MARCHF5: variants seen among roughly 807,000 people sequenced by gnomAD.
The protein encoded by MARCHF5 is membrane associated ring-CH-type finger 5, also known as E3 ubiquitin-protein ligase MARCHF5.
Under a neutral mutation model 36.5 loss-of-function variants are expected in MARCHF5, and 5 were observed. The observed-to-expected ratio is 0.14, with a 90% CI of 0.07 to 0.29. The LOEUF is 0.29. Among genes scored for constraint, MARCHF5 ranks in the 10% least tolerant of loss-of-function variants. The probability of loss-of-function intolerance (pLI) is 1.00; values close to 1 mark genes in which losing one functional copy is unlikely to be tolerated. For synonymous variants in MARCHF5, 103 were observed against 109.9 expected (o/e 0.94, Z 0.39); for missense variants, 179 against 336.3 (o/e 0.53, Z 3.66).
intron 1 of MARCHF5, among the ~76,000 whole-genome samples, chr10:92,292,014 AC>A (rs1196239688): frequency 6.9e-6 from 1 of 144,306 alleles, no homozygotes; most frequent in African/African-American, 2.6e-5. Flanking sequence ...CTGAACCCGC[AC>A]CCCCCGTCCC....
At chr10:92,292,385 A>C (rs1842889047) in intron 1 of MARCHF5, among the ~76,000 whole-genome samples, 1 of 152,168 alleles carries the variant, frequency 6.6e-6, no homozygotes, top group African/African-American at 2.4e-5. Flanking sequence ...CTAATTCATG[A>C]TGTTTGTGGT....
At chr10:92,349,586 A>AAT in intron 4 of MARCHF5, 54 bp downstream of exon 4, 1 of 1,596,464 alleles carries the variant, frequency 6.3e-7, no homozygotes, top group Non-Finnish European at 8.5e-7. Flanking sequence ...CTTGAAGAAC[A>AAT]ATAACATGCT....
intron 3 of MARCHF5, among the ~76,000 whole-genome samples, chr10:92,341,540 C>T (rs1843578233): frequency 6.6e-6 from 1 of 152,102 alleles, no homozygotes; most frequent in Admixed American, 6.6e-5. Context: ...AGTCCCAAGC[C>T]GTTGACTCTT....
At chr10:92,331,902 T>C (rs1463178523) in intron 2 of MARCHF5, among the ~76,000 whole-genome samples, 1 of 146,416 alleles carries the variant, frequency 6.8e-6, no homozygotes, top group African/African-American at 2.5e-5. Context: ...TATATAATCA[T>C]ATATATGTAT....
chr10:92,312,882 A>G (rs1000892123), intron 2 of MARCHF5, among the ~76,000 whole-genome samples: 2 of 152,188 alleles, frequency 1.3e-5, no homozygotes, highest in African/African-American at 2.4e-5. Flanking sequence ...TCTAGGAAAT[A>G]TGTTTTCAGG....
chr10:92,307,465 G>A (rs1843089197), intron 1 of MARCHF5, among the ~76,000 whole-genome samples: 1 of 152,076 alleles, frequency 6.6e-6, no homozygotes, highest in Admixed American at 6.6e-5. Flanking sequence ...CAGGCACAGT[G>A]GCTCACGCCC....
intron 2 of MARCHF5, among the ~76,000 whole-genome samples, chr10:92,330,540 T>C (rs1843423410): frequency 6.6e-6 from 1 of 152,170 alleles, no homozygotes; most frequent in African/African-American, 2.4e-5. Flanking sequence ...CTATTCTTTA[T>C]TTCTCACCTG....
chr10:92,313,321 C>T (rs933473287), intron 2 of MARCHF5, among the ~76,000 whole-genome samples: 11 of 149,746 alleles, frequency 7.3e-5, no homozygotes, highest in East Asian at 4.0e-4. Context: ...GAATTGTGGC[C>T]GGGCCGGGCG....
At chr10:92,314,964 T>C (rs1843192642) in intron 2 of MARCHF5, among the ~76,000 whole-genome samples, 1 of 152,230 alleles carries the variant, frequency 6.6e-6, no homozygotes, top group Non-Finnish European at 1.5e-5. Context: ...CATGCAGTTA[T>C]TAACAATGAC....
rs1337946112 is a variant in MARCHF5, at chr10:92,352,402, G to C, written c.*1195G>C. 1 of 152,176 alleles carries C rather than the reference G, an allele frequency of 6.6e-6. No individual in the cohort carries two copies. The highest frequency in any genetic ancestry group is 1.5e-5 in the Non-Finnish European group (1 of 68,026). 9.4% of individuals were successfully genotyped at this position (152,176 alleles called of 1,614,324 possible). A position where few individuals can be genotyped will look rare whatever the true frequency, so the allele number is the denominator to read the frequency against. ...TTTAGATTTTAATTGTCCTATTGAT[G>C]AGGCTAGCACCTTAATCACTGTTTA... On this transcript the variant is annotated 3_prime_UTR_variant, in exon 6 of 6. Transcript: ENST00000358935.
Position 92,352,572 on chromosome 10 carries a change from T to G in MARCHF5, c.*1365T>G, listed in dbSNP as rs889256565. On this transcript the variant is annotated 3_prime_UTR_variant, in exon 6 of 6. Coordinates refer to ENST00000358935, the MANE Select transcript of MARCHF5 (RefSeq NM_017824.5). Reference sequence around the variant, plus strand: ...TTCAAAACCCTATTTATTTTCTTGTTCACAGTAATGCATGTCAATAATAAA... The same window carrying G: ...TTCAAAACCCTATTTATTTTCTTGTGCACAGTAATGCATGTCAATAATAAA... 8 of 152,236 alleles carry G rather than the reference T, an allele frequency of 5.3e-5. No individual in the cohort carries two copies. The highest frequency in any genetic ancestry group is 1.7e-4 in the African/African-American group (7 of 41,466). The allele number at this position is 152,236 out of a possible 1,614,324, so 9.4% of individuals were successfully genotyped here. A position where few individuals can be genotyped will look rare whatever the true frequency, so the allele number is the denominator to read the frequency against.
chr10:92,350,843 G>A (rs960685971), intron 5 of MARCHF5, among the ~76,000 whole-genome samples: 5 of 152,168 alleles, frequency 3.3e-5, no homozygotes, highest in African/African-American at 1.2e-4. Flanking sequence ...GAACTACATG[G>A]AAGAAAGACT....
intron 2 of MARCHF5, among the ~76,000 whole-genome samples, chr10:92,324,232 T>A (rs1843327296): frequency 6.6e-6 from 1 of 152,256 alleles, no homozygotes; most frequent in African/African-American, 2.4e-5. Flanking sequence ...GTTTTCTCAT[T>A]GTTGACCTTT....
chr10:92,312,297 T>G (rs926300890), intron 2 of MARCHF5, among the ~76,000 whole-genome samples: 23 of 152,334 alleles, frequency 1.5e-4, no homozygotes, highest in African/African-American at 5.5e-4. Context: ...AGAAGATTAA[T>G]AATAAGGGCA....
At chr10:92,313,401 G>C (rs888284457) in intron 2 of MARCHF5, among the ~76,000 whole-genome samples, 2 of 151,900 alleles carry the variant, frequency 1.3e-5, no homozygotes, top group East Asian at 3.9e-4. Context: ...TCAGGAGATC[G>C]AGACCATCCT....
At chr10:92,342,127 C>T (rs565595158) in intron 3 of MARCHF5, among the ~76,000 whole-genome samples, 52 of 151,318 alleles carry the variant, frequency 3.4e-4, no homozygotes, top group African/African-American at 1.2e-3. Context: ...TTACGTTTGA[C>T]TCTTCACCCC....
In MARCHF5 at chr10:92,311,132, C is replaced by T; in HGVS notation, c.36-3C>T. On this transcript the variant is annotated splice_region_variant and splice_polypyrimidine_tract_variant and intron_variant, in intron 1 of 5. Coordinates refer to ENST00000358935, the MANE Select transcript of MARCHF5 (RefSeq NM_017824.5). ...TGTCATCCTTTTCTCTTTTAATTTA[C>T]AGAAGTTGCTGGGTTTGTTTTGCTA... 6.2e-7 allele frequency: 1 copy of T among 1,612,450 alleles called. No individual in the cohort carries two copies. The highest frequency in any genetic ancestry group is 8.5e-7 in the Non-Finnish European group (1 of 1,178,614).
intron 2 of MARCHF5, among the ~76,000 whole-genome samples, chr10:92,333,073 T>C (rs1373631246): frequency 1.3e-5 from 2 of 150,212 alleles, no homozygotes; most frequent in African/African-American, 4.9e-5. Flanking sequence ...GGCAGGAGAA[T>C]CGCTTGAACC....
At chr10:92,293,000 C>T (rs1330106032) in intron 1 of MARCHF5, among the ~76,000 whole-genome samples, 1 of 152,142 alleles carries the variant, frequency 6.6e-6, no homozygotes, top group African/African-American at 2.4e-5. Context: ...ACTGCCAGTT[C>T]TATTCTGTTG....
Sources: allele counts gnomAD v4.1 joint callset (sites outside exome capture counted in the v4.1 genomes callset), GRCh38; gene constraint gnomAD v4.1.1; transcripts MANE v1.5; gene names NCBI Gene and HGNC (gene_info 2026-07-23, HGNC 2026-07-21).